The following NUB1 variants were observed in gnomAD, a reference collection of about 807,000 sequenced individuals.
NUB1 encodes the protein NEDD8 ultimate buster 1.
Under a neutral mutation model 77.1 loss-of-function variants are expected in NUB1, and 41 were observed. That is an observed-to-expected ratio of 0.53 (90% confidence interval 0.41 to 0.69). The LOEUF (loss-of-function observed/expected upper bound fraction) is 0.69, where lower values mean the gene tolerates loss of function less well. Ranked by LOEUF, NUB1 falls within the 30% of genes least tolerant of loss-of-function variation. The pLI is 0.00. For missense variants in NUB1, 643 were observed against 743.8 expected (o/e 0.86, Z 1.58); for synonymous variants, 257 against 281.0 (o/e 0.91, Z 0.85).
rs1394722134 is a variant in NUB1, at chr7:151,374,141, C to T, written c.1293C>T (p.Arg431=). 6.4e-7 allele frequency: 1 copy of T among 1,572,946 alleles called. No individual in the cohort carries two copies. The highest frequency in any genetic ancestry group is 8.6e-7 in the Non-Finnish European group (1 of 1,159,694). ...IRKEEKEKKR[R]RLENIRFLKG... The stretch of plus-strand genomic sequence containing the variant: ...AGGAGGAAAAAGAGAAGAAAAGACG[C>T]CGCCTCGAGAACATCAGGTTTCTGA... Residue 431 remains arginine, a synonymous_variant, in exon 12 of 15, where the codon CGC becomes CGT. Coordinates refer to ENST00000568733, the MANE Select transcript of NUB1 (RefSeq NM_001243351.2).
Position 151,368,795 on chromosome 7 carries a change from T to C in NUB1, c.1156T>C (p.Leu386=). 1 of 1,613,996 alleles carries C rather than the reference T, an allele frequency of 6.2e-7. No homozygotes were observed. The highest frequency in any genetic ancestry group is 1.7e-5 in the Admixed American group (1 of 60,032). The stretch of plus-strand genomic sequence containing the variant: ...ATCAAAAGTGGACAATTTGTTGCAG[T>C]TGGGGTTTACTGCCCAGGAAGCCCG... ...DPSKVDNLLQ[L]GFTAQEARLG... The change falls in exon 11 of 15, where the codon TTG becomes CTG. Residue 386 remains leucine (L), a synonymous_variant. Transcript: ENST00000568733.
At chr7:151,343,432 G>C (rs1406616840) in intron 1 of NUB1, among the ~76,000 whole-genome samples, 1 of 152,182 alleles carries the variant, frequency 6.6e-6, no homozygotes, top group Non-Finnish European at 1.5e-5. Flanking sequence ...ATTGGGTTTG[G>C]GGGGATGTGG....
At chr7:151,356,584 G>T (rs1797072019) in intron 7 of NUB1, among the ~76,000 whole-genome samples, 1 of 152,226 alleles carries the variant, frequency 6.6e-6, no homozygotes, top group African/African-American at 2.4e-5. Flanking sequence ...TAGGGGTAGG[G>T]AAACTGTGTC....
chr7:151,369,012 C>T (rs903353598), intron 11 of NUB1, 125 bp downstream of exon 11: 32 of 1,001,446 alleles, frequency 3.2e-5, no homozygotes, highest in Non-Finnish European at 3.5e-5. Context: ...GAAACTTGTC[C>T]TTTTTTTTTT....
intron 5 of NUB1, among the ~76,000 whole-genome samples, chr7:151,354,798 T>A (rs1796984800): frequency 6.6e-6 from 1 of 152,180 alleles, no homozygotes; most frequent in African/African-American, 2.4e-5. Context: ...GGCTGGAGTG[T>A]GGTGTGCGAT....
At position 151,374,257 on chromosome 7, in the gene NUB1, C is replaced by T. The variant is rs547264229; in HGVS notation, c.1395+14C>T. 2.2e-5 allele frequency: 34 copies of T among 1,551,534 alleles called. No individual in the cohort carries two copies. The highest frequency in any genetic ancestry group is 3.9e-5 in the Admixed American group (2 of 51,026). On this transcript the variant is annotated intron_variant, in intron 12 of 14. Coordinates refer to ENST00000568733, the MANE Select transcript of NUB1 (RefSeq NM_001243351.2). ...GAGGCCCTGAAGGTAGCAGCTCCCT[C>T]GGGGCCTCTGGCCTTGTCCCTGAGC... is the stretch of plus-strand genomic sequence containing the variant.
At position 151,374,185 on chromosome 7, in the gene NUB1, C is replaced by G. The variant is rs377172702; in HGVS notation, c.1337C>G (p.Thr446Arg). 1.3e-6 allele frequency: 2 copies of G among 1,574,202 alleles called. No individual in the cohort carries two copies. Among genetic ancestry groups the G allele is most frequent in the Non-Finnish European group, 1.7e-6 (2 of 1,160,300 alleles). Residue 446 changes from threonine to arginine, a missense_variant, in exon 12 of 15, where the codon ACG becomes AGG. Physicochemically the swap from Thr to Arg is moderately conservative, Grantham distance 71 (BLOSUM62 -1). Transcript: ENST00000568733. ...IRFLKGMGYSTHAAQQVLHAA... is the reference protein window; with the variant it reads ...IRFLKGMGYSRHAAQQVLHAA... ...TTTCTGAAAGGGATGGGCTACTCCACGCACGCGGCCCAGCAGGTACTCCAC... is the reference window on the plus strand; with the variant it reads ...TTTCTGAAAGGGATGGGCTACTCCAGGCACGCGGCCCAGCAGGTACTCCAC...
chr7:151,375,830 T>C lies in NUB1; in HGVS notation c.1396-18T>C, dbSNP rs1326721889. 5 of 1,528,204 alleles carry C rather than the reference T, an allele frequency of 3.3e-6. No individual in the cohort carries two copies. In the African/African-American group the frequency reaches 5.5e-5, roughly 17 times the overall value. The allele number at this position is 1,528,204 out of a possible 1,614,324, so 94.7% of individuals were successfully genotyped here. A position where few individuals can be genotyped will look rare whatever the true frequency, so the allele number is the denominator to read the frequency against. ...AGAGTTCTTAGTGATGGGTAAAGGG[T>C]GTTCCTGTGTGTTTTAGATTCTGCT... On this transcript the variant is annotated intron_variant, in intron 12 of 14. Coordinates refer to ENST00000568733, the MANE Select transcript of NUB1 (RefSeq NM_001243351.2).
At chr7:151,354,927 TGGAGACG>T (rs1796992224) in intron 5 of NUB1, among the ~76,000 whole-genome samples, 1 of 152,166 alleles carries the variant, frequency 6.6e-6, no homozygotes, top group South Asian at 2.1e-4. Flanking sequence ...TTATTTTCTG[TGGAGACG>T]GGGTCCACTG....
chr7:151,346,288 TG>T (rs1796503792), intron 2 of NUB1, among the ~76,000 whole-genome samples: 1 of 152,246 alleles, frequency 6.6e-6, no homozygotes, highest in Admixed American at 6.5e-5. Context: ...CTGAATTTAT[TG>T]TTACAGTCTC....
intron 10 of NUB1, 74 bp downstream of exon 10, chr7:151,368,042 T>TA (rs1469131475): frequency 1.4e-5 from 12 of 870,256 alleles, no homozygotes; most frequent in Non-Finnish European, 2.2e-5. Flanking sequence ...GATTTTAACT[T>TA]AGTAGTTTGT....
At chr7:151,363,807 T>A (rs1251808217) in intron 8 of NUB1, among the ~76,000 whole-genome samples, 2 of 152,110 alleles carry the variant, frequency 1.3e-5, no homozygotes, top group Non-Finnish European at 2.9e-5. Context: ...AGACGGAGTC[T>A]CACTCTGTCG....
intron 2 of NUB1, 126 bp from the exon 3 acceptor site, chr7:151,348,947 G>C (rs1796653135): frequency 1.3e-6 from 1 of 754,012 alleles, no homozygotes; most frequent in African/African-American, 1.8e-5. Flanking sequence ...CCACAGTGTG[G>C]ACTGCAGTGT....
At chr7:151,367,148 A>G in intron 9 of NUB1, 23 bp downstream of exon 9, 1 of 1,588,336 alleles carries the variant, frequency 6.3e-7, no homozygotes, top group Non-Finnish European at 8.6e-7. Flanking sequence ...AATTCATCTT[A>G]TGTCTCGTTG....
chr7:151,368,685 G>A, intron 10 of NUB1, 50 bp from the exon 11 acceptor site: 1 of 1,542,000 alleles, frequency 6.5e-7, no homozygotes, highest in Non-Finnish European at 8.8e-7. Flanking sequence ...TTTGTATTAA[G>A]CTTTAAGTAT....
chr7:151,366,615 C>T (rs575813634), intron 8 of NUB1, among the ~76,000 whole-genome samples: 69 of 152,300 alleles, frequency 4.5e-4, no homozygotes, highest in Non-Finnish European at 9.4e-4. Context: ...GCATGGTCTT[C>T]CCCGTATTTG....
intron 2 of NUB1, 77 bp from the exon 3 acceptor site, chr7:151,348,994 TAG>T: frequency 7.5e-7 from 1 of 1,334,600 alleles, no homozygotes; most frequent in Non-Finnish European, 1.1e-6. Context: ...TTGATGGCCT[TAG>T]AGTCTTTCAT....
At chr7:151,359,221 G>A (rs1584951738) in intron 7 of NUB1, among the ~76,000 whole-genome samples, 4 of 133,438 alleles carry the variant, frequency 3.0e-5, no homozygotes, top group South Asian at 2.6e-4. Context: ...GGCAGATCAC[G>A]AGGTCAGAAG....
At chr7:151,375,512 G>T (rs1798174858) in intron 12 of NUB1, among the ~76,000 whole-genome samples, 1 of 152,208 alleles carries the variant, frequency 6.6e-6, no homozygotes, top group Non-Finnish European at 1.5e-5. Context: ...CGCTTTCAAA[G>T]ATCAATCAGG....
Sources: gnomAD v4.1 joint callset for allele counts (sites outside exome capture counted in the v4.1 genomes callset) on GRCh38, gnomAD v4.1.1 for gene constraint, MANE v1.5 for transcripts, NCBI Gene and HGNC (gene_info 2026-07-23, HGNC 2026-07-21) for gene names.